The following LUZP2 variants were observed in gnomAD, a reference collection of about 807,000 sequenced individuals.
The protein encoded by LUZP2 is leucine zipper protein 2.
Under a neutral mutation model 51.6 loss-of-function variants are expected in LUZP2, and 52 were observed. That is an observed-to-expected ratio of 1.01 (90% CI 0.81 to 1.27). The LOEUF is 1.27. Ranked by LOEUF, LUZP2 falls within the 50% of genes most tolerant of loss-of-function variation. LUZP2 has a pLI of 0.00. For missense variants in LUZP2, 436 were observed against 395.4 expected (o/e 1.10, Z -0.87); for synonymous variants, 154 against 137.3 (o/e 1.12, Z -0.85).
intron 1 of LUZP2, among the ~76,000 whole-genome samples, chr11:24,604,113 A>G (rs1344529309): frequency 6.6e-6 from 1 of 151,860 alleles, no homozygotes; most frequent in East Asian, 1.9e-4. Context: ...TAAAATTAGA[A>G]CTATCACTCT....
At chr11:24,574,833 A>G (rs1852590829) in intron 1 of LUZP2, among the ~76,000 whole-genome samples, 1 of 152,152 alleles carries the variant, frequency 6.6e-6, no homozygotes, top group Non-Finnish European at 1.5e-5. Context: ...CTGAGTTGTA[A>G]CATTGACTAG....
At chr11:24,666,804 G>A (rs1856228326) in intron 1 of LUZP2, among the ~76,000 whole-genome samples, 1 of 152,112 alleles carries the variant, frequency 6.6e-6, no homozygotes, top group Non-Finnish European at 1.5e-5. Context: ...ACTAAACAGG[G>A]GATGAAGGAT....
At position 24,766,901 on chromosome 11, in the gene LUZP2, A is replaced by G. The variant is rs369896250; in HGVS notation, c.396+3593A>G. Among the ~76,000 whole-genome samples the G allele has an allele frequency of 1.4e-4, 21 of 152,218 alleles. No homozygotes were observed. The East Asian group carries it at 2.3e-3, about 17-fold the overall frequency. ...CTCAGCCTCCTGAGTAGCTGGGACTACAGGCATGCACCACCAAACCCAGCT... is the reference window on the plus strand; with the variant it reads ...CTCAGCCTCCTGAGTAGCTGGGACTGCAGGCATGCACCACCAAACCCAGCT... On this transcript the variant is annotated intron_variant, in intron 5 of 11. Coordinates refer to ENST00000336930, the MANE Select transcript of LUZP2 (RefSeq NM_001009909.4).
chr11:24,748,630 T>C (rs948208104), intron 4 of LUZP2, among the ~76,000 whole-genome samples: 5 of 152,134 alleles, frequency 3.3e-5, no homozygotes, highest in Admixed American at 6.5e-5. Context: ...CAGCTAATTT[T>C]GTATTTTCAG....
rs1849968717 is a variant in LUZP2, at chr11:24,809,944, AAT to A, written c.396+46638_396+46639del. ...ATATAATAGGGAAATATAGCTATTA[AAT>A]AACTATCTTATCATAATGCTGCAAA... On this transcript the variant is annotated intron_variant, in intron 5 of 11. Transcript: ENST00000336930. 2.6e-5 allele frequency among the ~76,000 whole-genome samples: 4 copies of A among 152,284 alleles called. 1 individual carries two copies. The South Asian group carries it at 8.3e-4, about 32-fold the overall frequency.
intron 1 of LUZP2, among the ~76,000 whole-genome samples, chr11:24,689,426 C>G (rs550327533): frequency 1.3e-5 from 2 of 152,150 alleles, no homozygotes; most frequent in Admixed American, 6.5e-5. Context: ...TCTCTTAGTG[C>G]GTATGCTTGA....
At chr11:24,894,411 G>A (rs180879569) in intron 5 of LUZP2, among the ~76,000 whole-genome samples, 5 of 152,226 alleles carry the variant, frequency 3.3e-5, no homozygotes, top group Admixed American at 6.5e-5. Flanking sequence ...CTGACCTCAA[G>A]TGATTCACCC....
intron 7 of LUZP2, among the ~76,000 whole-genome samples, chr11:24,918,685 A>C (rs1159864531): frequency 6.6e-6 from 1 of 151,540 alleles, no homozygotes; most frequent in African/African-American, 2.4e-5. Flanking sequence ...AAAATTTCAA[A>C]AAAGTGTCAA....
At chr11:24,799,563 C>T (rs898760364) in intron 5 of LUZP2, among the ~76,000 whole-genome samples, 1 of 150,790 alleles carries the variant, frequency 6.6e-6, no homozygotes, top group Non-Finnish European at 1.5e-5. Flanking sequence ...TGCACTCCAG[C>T]CTGGGTGACA....
intron 4 of LUZP2, among the ~76,000 whole-genome samples, chr11:24,752,323 G>A (rs955906676): frequency 1.3e-5 from 2 of 152,090 alleles, no homozygotes; most frequent in Admixed American, 6.6e-5. Context: ...AGACAATAAA[G>A]CAATGTTTTA....
chr11:24,586,270 A>T (rs1221973124), intron 1 of LUZP2, among the ~76,000 whole-genome samples: 1 of 152,090 alleles, frequency 6.6e-6, no homozygotes, highest in African/African-American at 2.4e-5. Context: ...TACATATCAC[A>T]TTACCCCATC....
At chr11:24,523,551 T>C (rs191824528) in intron 1 of LUZP2, among the ~76,000 whole-genome samples, 38 of 150,634 alleles carry the variant, frequency 2.5e-4, no homozygotes, top group Non-Finnish European at 5.9e-5. Flanking sequence ...TAATCTATTA[T>C]ATATATATTA....
chr11:24,526,570 A>G (rs1850814136), intron 1 of LUZP2, among the ~76,000 whole-genome samples: 1 of 151,018 alleles, frequency 6.6e-6, no homozygotes, highest in Non-Finnish European at 1.5e-5. Flanking sequence ...GTTTCTTTTC[A>G]TTTAACTATG....
chr11:24,797,916 T>G (rs1849590214), intron 5 of LUZP2, among the ~76,000 whole-genome samples: 1 of 152,182 alleles, frequency 6.6e-6, no homozygotes, highest in Non-Finnish European at 1.5e-5. Context: ...TTTAAAAACC[T>G]TCACTATTTG....
intron 5 of LUZP2, among the ~76,000 whole-genome samples, chr11:24,843,214 A>T (rs1371087217): frequency 1.3e-5 from 2 of 149,054 alleles, no homozygotes. Context: ...TTAAAGAAAC[A>T]GAGTTATTAG....
chr11:24,645,525 C>G (rs930440164), intron 1 of LUZP2, among the ~76,000 whole-genome samples: 4 of 152,028 alleles, frequency 2.6e-5, no homozygotes, highest in African/African-American at 9.7e-5. Context: ...TCAAGAAGAG[C>G]ACTTGACAGC....
At chr11:24,628,348 G>A (rs139180412) in intron 1 of LUZP2, among the ~76,000 whole-genome samples, 4 of 152,142 alleles carry the variant, frequency 2.6e-5, no homozygotes, top group South Asian at 2.1e-4. Context: ...ATGTAACAAT[G>A]TACTATGGAT....
At chr11:24,935,627 A>G (rs1211701628) in intron 7 of LUZP2, among the ~76,000 whole-genome samples, 1 of 152,164 alleles carries the variant, frequency 6.6e-6, no homozygotes. Flanking sequence ...TAAAACAGTT[A>G]TGGTAGTATT....
At chr11:24,658,658 T>G (rs1185275089) in intron 1 of LUZP2, among the ~76,000 whole-genome samples, 1 of 151,638 alleles carries the variant, frequency 6.6e-6, no homozygotes, top group Non-Finnish European at 1.5e-5. Context: ...TGGGAGAAAA[T>G]TTTTGCAATC....
Sources: gnomAD v4.1 joint callset for allele counts (sites outside exome capture counted in the v4.1 genomes callset) on GRCh38, gnomAD v4.1.1 for gene constraint, MANE v1.5 for transcripts, NCBI Gene and HGNC (gene_info 2026-07-23, HGNC 2026-07-21) for gene names.